ZBTB7C: variants seen among roughly 807,000 people sequenced by gnomAD.
ZBTB7C encodes zinc finger and BTB domain containing 7C, also known as zinc finger and BTB domain-containing protein 7C.
ZBTB7C carries 8 observed loss-of-function variants against 25.7 expected under a neutral mutation model. The ratio of observed to expected loss-of-function variants is 0.31; its 90% CI spans 0.18 to 0.56. The LOEUF (loss-of-function observed/expected upper bound fraction) is 0.56, where lower values mean the gene tolerates loss of function less well. ZBTB7C is among the 20% of genes least tolerant of loss of function. ZBTB7C has a pLI of 0.91. For synonymous variants in ZBTB7C, 394 were observed against 369.0 expected (o/e 1.07, Z -0.78); for missense variants, 824 against 855.2 (o/e 0.96, Z 0.46).
intron 3 of ZBTB7C, among the ~76,000 whole-genome samples, chr18:48,081,275 C>T (rs560729841): frequency 6.6e-6 from 1 of 152,228 alleles, no homozygotes; most frequent in Admixed American, 6.5e-5. Flanking sequence ...GACCATTCAG[C>T]ATGGGGCATC....
intron 3 of ZBTB7C, among the ~76,000 whole-genome samples, chr18:48,063,675 G>A (rs2037210053): frequency 6.6e-6 from 1 of 152,214 alleles, no homozygotes; most frequent in South Asian, 2.1e-4. Context: ...ACAAGAAGTG[G>A]TCTAGGTTTT....
chr18:48,044,124 G>A lies in ZBTB7C; in HGVS notation c.-16-3001C>T, dbSNP rs1323438552. On this transcript the variant is annotated intron_variant, in intron 3 of 4. Coordinates refer to ENST00000590800, the MANE Select transcript of ZBTB7C (RefSeq NM_001318841.2). ...AGGTTCTGTTCTGAGTGGCCCCGTT[G>A]AACATGGTTCTTGTCTATTGACAAA... Among the ~76,000 whole-genome samples the A allele has an allele frequency of 3.3e-5, 5 of 152,296 alleles. No individual in the cohort carries two copies. The East Asian group carries it at 9.7e-4, about 29-fold the overall frequency.
At chr18:48,201,942 G>A (rs8097111) in intron 2 of ZBTB7C, among the ~76,000 whole-genome samples, 1 of 152,156 alleles carries the variant, frequency 6.6e-6, no homozygotes. Context: ...GTGGCTGCAC[G>A]AAGCTCCCTT....
intron 2 of ZBTB7C, among the ~76,000 whole-genome samples, chr18:48,190,234 T>G (rs1338918180): frequency 6.6e-6 from 1 of 152,222 alleles, no homozygotes. Flanking sequence ...AGAAGAAGAC[T>G]AAGTGTGAAT....
At chr18:48,363,746 G>A (rs769149043) in intron 1 of ZBTB7C, among the ~76,000 whole-genome samples, 5 of 152,058 alleles carry the variant, frequency 3.3e-5, no homozygotes, top group Non-Finnish European at 5.9e-5. Flanking sequence ...TTAAAACACA[G>A]CTTTACCCCT....
chr18:48,220,749 A>G (rs2042930284), intron 2 of ZBTB7C, among the ~76,000 whole-genome samples: 1 of 151,940 alleles, frequency 6.6e-6, no homozygotes, highest in Non-Finnish European at 1.5e-5. Flanking sequence ...ATGTCAACTC[A>G]CTCTACAATA....
At chr18:48,304,011 C>G (rs2045606299) in intron 2 of ZBTB7C, among the ~76,000 whole-genome samples, 1 of 152,172 alleles carries the variant, frequency 6.6e-6, no homozygotes, top group South Asian at 2.1e-4. Context: ...ACGACCACCC[C>G]CATCTTGCAG....
At chr18:48,344,663 A>G (rs8089217) in intron 1 of ZBTB7C, among the ~76,000 whole-genome samples, 5,397 of 152,340 alleles carry the variant, frequency 0.035, 231 homozygotes, top group African/African-American at 0.098. Flanking sequence ...AAATTATGAC[A>G]TTAGCCAACC....
chr18:48,161,695 G>C (rs867965223), intron 3 of ZBTB7C, among the ~76,000 whole-genome samples: 1 of 136,294 alleles, frequency 7.3e-6, no homozygotes. Flanking sequence ...TCGGCTGCCC[G>C]GCCCGGCCCG....
chr18:48,098,366 CA>C (rs1450381733), intron 3 of ZBTB7C, among the ~76,000 whole-genome samples: 1 of 152,190 alleles, frequency 6.6e-6, no homozygotes, highest in Non-Finnish European at 1.5e-5. Context: ...AGGCCTTTCT[CA>C]GTGCTGTTGT....
chr18:48,224,235 T>C (rs561023512), intron 2 of ZBTB7C, among the ~76,000 whole-genome samples: 80 of 152,266 alleles, frequency 5.3e-4, no homozygotes, highest in African/African-American at 1.8e-3. Flanking sequence ...AACCTATGCA[T>C]CCATACTCAT....
At chr18:48,387,734 C>T (rs755559175) in intron 1 of ZBTB7C, among the ~76,000 whole-genome samples, 1 of 152,214 alleles carries the variant, frequency 6.6e-6, no homozygotes, top group African/African-American at 2.4e-5. Flanking sequence ...AACCAGCTGA[C>T]AGCAAAACAG....
At chr18:48,409,802 T>G (rs2048362582), upstream of ZBTB7C, among the ~76,000 whole-genome samples, 1 of 151,960 alleles carries the variant, frequency 6.6e-6, no homozygotes, top group African/African-American at 2.4e-5. Flanking sequence ...CTTTCTTTCC[T>G]TTTTTCTCTC....
chr18:48,234,155 A>AAAC (rs573008238), intron 2 of ZBTB7C, among the ~76,000 whole-genome samples: 33 of 152,230 alleles, frequency 2.2e-4, no homozygotes, highest in African/African-American at 7.9e-4. Flanking sequence ...GCAAAAAAAA[A>AAAC]AACAACCCTT....
chr18:48,159,132 T>A (rs1448532461), intron 3 of ZBTB7C, among the ~76,000 whole-genome samples: 1 of 152,178 alleles, frequency 6.6e-6, no homozygotes, highest in Admixed American at 6.5e-5. Flanking sequence ...CCCAAAGAGA[T>A]CAGAAGCTTC....
intron 3 of ZBTB7C, among the ~76,000 whole-genome samples, chr18:48,051,369 C>T (rs1299135364): frequency 1.3e-5 from 2 of 152,182 alleles, no homozygotes; most frequent in Admixed American, 1.3e-4. Context: ...GTCAGAGCTG[C>T]TCAGTCACAC....
chr18:48,272,791 T>C (rs764278725), intron 2 of ZBTB7C, among the ~76,000 whole-genome samples: 7 of 152,124 alleles, frequency 4.6e-5, no homozygotes, highest in Non-Finnish European at 1.0e-4. Context: ...ATATGGTATA[T>C]CCAAACAGTG....
chr18:48,221,276 T>C (rs1234797547), intron 2 of ZBTB7C, among the ~76,000 whole-genome samples: 2 of 151,482 alleles, frequency 1.3e-5, no homozygotes, highest in Non-Finnish European at 2.9e-5. Context: ...CCCTCTATAC[T>C]GTCCTTGTCT....
intron 3 of ZBTB7C, among the ~76,000 whole-genome samples, chr18:48,068,697 C>T (rs2037429409): frequency 6.6e-6 from 1 of 152,226 alleles, no homozygotes; most frequent in Non-Finnish European, 1.5e-5. Flanking sequence ...ATTCCCTGGG[C>T]CCCATCCAGG....
Sources: allele counts gnomAD v4.1 joint callset (sites outside exome capture counted in the v4.1 genomes callset), GRCh38; gene constraint gnomAD v4.1.1; transcripts MANE v1.5; gene names NCBI Gene and HGNC (gene_info 2026-07-23, HGNC 2026-07-21).